Variants in HK1 observed in about 807,000 individuals in gnomAD.
HK1 encodes the protein hexokinase 1.
In HK1, 28 loss-of-function variants were observed where a neutral mutation model predicts 91.6. The observed-to-expected ratio is 0.31, with a 90% CI of 0.23 to 0.42. HK1 has a LOEUF of 0.42. Among genes scored for constraint, HK1 ranks in the 10% least tolerant of loss-of-function variants. The pLI is 1.00. For synonymous variants in HK1, 430 were observed against 468.1 expected (o/e 0.92, Z 1.05); for missense variants, 770 against 1,219.8 (o/e 0.63, Z 5.49).
chr10:69,312,552 T>A (rs1488107687), upstream of HK1, among the ~76,000 whole-genome samples: 1 of 152,130 alleles, frequency 6.6e-6, no homozygotes. Flanking sequence ...TAGCCCTTTT[T>A]TTTTTTTCTG....
intron 5 of HK1, among the ~76,000 whole-genome samples, chr10:69,309,911 G>T (rs1332140995): frequency 6.6e-6 from 1 of 151,454 alleles, no homozygotes; most frequent in Non-Finnish European, 1.5e-5. Context: ...TTAGCCGGGT[G>T]TTGTGGCGCA....
At chr10:69,343,510 G>C (rs547881350) in intron 1 of HK1, among the ~76,000 whole-genome samples, 1 of 152,302 alleles carries the variant, frequency 6.6e-6, no homozygotes, top group Admixed American at 6.5e-5. Flanking sequence ...GAGGCTTGAG[G>C]TGTTCCTGAT....
chr10:69,385,572 G>A (rs565239271), intron 12 of HK1, among the ~76,000 whole-genome samples: 3 of 152,226 alleles, frequency 2.0e-5, no homozygotes, highest in South Asian at 2.1e-4. Context: ...AGCCTGTCAC[G>A]CTGGAAGAGC....
chr10:69,278,536 A>C (rs903902889), intron 1 of HK1: 3 of 152,222 alleles, frequency 2.0e-5, no homozygotes, highest in African/African-American at 7.2e-5. Context: ...CAGGGAATGC[A>C]CTGGGGCTGA....
intron 4 of HK1, among the ~76,000 whole-genome samples, chr10:69,297,893 C>G (rs188993330): frequency 8.1e-6 from 1 of 124,206 alleles, no homozygotes; most frequent in African/African-American, 3.2e-5. Context: ...GAAACTCTGT[C>G]TCAAAAAAAA....
chr10:69,367,589 C>A (rs1334992855), intron 4 of HK1, among the ~76,000 whole-genome samples: 6 of 152,212 alleles, frequency 3.9e-5, no homozygotes, highest in African/African-American at 1.4e-4. Flanking sequence ...GAGCAAAGAA[C>A]CACCAGTTCT....
At chr10:69,286,228 T>G (rs1255619833) in intron 2 of HK1, among the ~76,000 whole-genome samples, 1 of 152,198 alleles carries the variant, frequency 6.6e-6, no homozygotes, top group Non-Finnish European at 1.5e-5. Context: ...CTGAGTACAG[T>G]GGCTGACACC....
intron 4 of HK1, among the ~76,000 whole-genome samples, chr10:69,298,974 C>G (rs1324221407): frequency 6.6e-6 from 1 of 151,818 alleles, no homozygotes; most frequent in Admixed American, 6.6e-5. Flanking sequence ...GAGTCTCACT[C>G]TGTTGCCCAG....
rs181811599 is a variant in HK1, at chr10:69,296,057, C to T, written c.-67+377C>T. ...CCGTCTTTTCCATTTTACAGTCAGG[C>T]ATGCCAGAAACTTGGCACCCATCTG... is the stretch of plus-strand genomic sequence containing the variant. On this transcript the variant is annotated intron_variant, in intron 4 of 21. Coordinates refer to the HK1 transcript ENST00000360289. 285 of 280,424 alleles carry T rather than the reference C, an allele frequency of 1.0e-3. 1 individual carries two copies. Among genetic ancestry groups the T allele is most frequent in the African/African-American group, 5.8e-3 (270 of 46,636 alleles). 17.4% of individuals were successfully genotyped at this position (280,424 alleles called of 1,614,324 possible).
intron 1 of HK1, among the ~76,000 whole-genome samples, chr10:69,323,511 ACT>A (rs1476869902): frequency 1.7e-5 from 2 of 120,604 alleles, no homozygotes; most frequent in African/African-American, 6.8e-5. Flanking sequence ...ATAGAGCGAG[ACT>A]CTGTCTCAAA....
intron 4 of HK1, among the ~76,000 whole-genome samples, chr10:69,299,419 G>C (rs1212439624): frequency 6.6e-6 from 1 of 151,558 alleles, no homozygotes; most frequent in Non-Finnish European, 1.5e-5. Context: ...CCAGGCTGGA[G>C]TGCAATGGCG....
chr10:69,290,303 T>C (rs1338109630), intron 3 of HK1, among the ~76,000 whole-genome samples: 1 of 152,134 alleles, frequency 6.6e-6, no homozygotes, highest in Non-Finnish European at 1.5e-5. Context: ...TATCTGAAAG[T>C]GGACAATACA....
chr10:69,350,633 G>C (rs1399074834), intron 2 of HK1, among the ~76,000 whole-genome samples: 1 of 152,030 alleles, frequency 6.6e-6, no homozygotes, highest in Non-Finnish European at 1.5e-5. Flanking sequence ...TTGCACTCCA[G>C]CCCGGGCAAC....
intron 3 of HK1, among the ~76,000 whole-genome samples, chr10:69,294,054 G>A (rs1845431358): frequency 2.6e-5 from 4 of 151,756 alleles, no homozygotes; most frequent in Admixed American, 2.6e-4. Flanking sequence ...GTAGAGACGG[G>A]GTTTCACCGT....
intron 2 of HK1, among the ~76,000 whole-genome samples, chr10:69,350,993 A>AC (rs1260017613): frequency 7.3e-6 from 1 of 137,022 alleles, no homozygotes; most frequent in Non-Finnish European, 1.5e-5. Context: ...ACACAGTGAA[A>AC]CCCCGTCTCT....
chr10:69,298,445 G>A (rs960568621), intron 4 of HK1, among the ~76,000 whole-genome samples: 24 of 151,518 alleles, frequency 1.6e-4, no homozygotes, highest in African/African-American at 5.6e-4. Flanking sequence ...GGGCAACATA[G>A]CAAGACCTCA....
intron 14 of HK1, among the ~76,000 whole-genome samples, chr10:69,391,253 A>G (rs1589583500): frequency 6.6e-6 from 1 of 152,252 alleles, no homozygotes; most frequent in Non-Finnish European, 1.5e-5. Flanking sequence ...GAAATGCTGA[A>G]GACACTGTCC....
chr10:69,384,354 T>A lies in HK1; in HGVS notation c.1592T>A (p.Leu531Gln), dbSNP rs1564561598. The change falls in exon 11 of 18, where the codon CTG becomes CAG. Residue 531 changes from leucine to glutamine, a missense_variant. Leu to Gln is a moderately radical substitution (Grantham distance 113). This residue lies in a region of HK1 where 48 missense variants were observed against 128.2 expected (regional missense o/e 0.37). Transcript: ENST00000359426. ...ACAGAGAATGGTGACTTCTTGGCCC[T>A]GGATCTTGGAGGAACCAATTTCCGT... Reference protein sequence around the residue: ...DGTENGDFLALDLGGTNFRVL... With the variant: ...DGTENGDFLAQDLGGTNFRVL... 6.2e-7 allele frequency: 1 copy of A among 1,614,258 alleles called. No individual in the cohort carries two copies. The highest frequency in any genetic ancestry group is 1.7e-5 in the Admixed American group (1 of 60,030).
At chr10:69,315,901 C>T (rs1846612074), upstream of HK1, 2 of 1,577,538 alleles carry the variant, frequency 1.3e-6, no homozygotes, top group Admixed American at 1.7e-5. Context: ...AGATGGCCCA[C>T]CTGTGGCATC....
Sources: gnomAD v4.1 joint callset for allele counts (sites outside exome capture counted in the v4.1 genomes callset) on GRCh38, gnomAD v4.1.1 for gene constraint, gnomAD v4.1.1 regional missense constraint, MANE v1.5 for transcripts, NCBI Gene and HGNC (gene_info 2026-07-23, HGNC 2026-07-21) for gene names.